Variants in MEGF6 observed in about 807,000 individuals in gnomAD.
The protein encoded by MEGF6 is multiple epidermal growth factor-like domains protein 6.
In MEGF6, 184 loss-of-function variants were observed where a neutral mutation model predicts 207.1. The ratio of observed to expected loss-of-function variants is 0.89; its 90% confidence interval spans 0.79 to 1.00. MEGF6 has a LOEUF of 1.00. Among genes scored for constraint, MEGF6 ranks in the 50% least tolerant of loss-of-function variants. MEGF6 has a pLI of 0.00. For missense variants in MEGF6, 2,282 were observed against 2,202.9 expected, an observed-to-expected ratio of 1.04 and a Z score of -0.72; for synonymous variants, 1,038 against 910.0, an observed-to-expected ratio of 1.14 and a Z score of -2.53.
At chr1:3,604,362 C>T (rs1644210177) in intron 1 of MEGF6, among the ~76,000 whole-genome samples, 1 of 152,178 alleles carries the variant, frequency 6.6e-6, no homozygotes, top group African/African-American at 2.4e-5. Flanking sequence ...GGGCAGAGCT[C>T]CTCCTGGCCA....
chr1:3,540,621 G>A (rs945964040), intron 4 of MEGF6, among the ~76,000 whole-genome samples: 3 of 152,236 alleles, frequency 2.0e-5, no homozygotes, highest in African/African-American at 7.2e-5. Flanking sequence ...ACAAACCCCT[G>A]GATGTATGTC....
Position 3,505,358 on chromosome 1 carries a change from GA to G in MEGF6, c.2054-17del, listed in dbSNP as rs763203595. 9 of 1,609,228 alleles carry G rather than the reference GA, an allele frequency of 5.6e-6. No individual in the cohort carries two copies. The African/African-American group carries it at 1.1e-4, about 19-fold the overall frequency. On this transcript the variant is annotated splice_polypyrimidine_tract_variant and intron_variant, in intron 16 of 36. Coordinates refer to ENST00000356575, the MANE Select transcript of MEGF6 (RefSeq NM_001409.4). ...AGCTCACACTCTGCAGGGCGTGAGA[GA>G]GGGGTGGGTGGGGTTAACCGACCCT...
rs1403313492 is a variant in MEGF6, at chr1:3,560,834, C to T, written c.481+18991G>A. ...AGCCAGGAACAGCCTCAGGCGTCGG[C>T]CGCGAGGGGGTTGCTGGGCTGGCTG... On this transcript the variant is annotated intron_variant, in intron 4 of 36. Coordinates refer to ENST00000356575, the MANE Select transcript of MEGF6 (RefSeq NM_001409.4). This position sits in a 1 kb window ranked among gnomAD's most constrained non-coding sequence, Gnocchi z 4.0. 2.2e-6 allele frequency: 1 copy of T among 450,272 alleles called. No homozygotes were observed. The highest frequency in any genetic ancestry group is 1.6e-5 in the South Asian group (1 of 63,006). The allele number at this position is 450,272 out of a possible 1,614,324, so 27.9% of individuals were successfully genotyped here.
chr1:3,532,369 C>T (rs576641897), intron 4 of MEGF6, among the ~76,000 whole-genome samples: 1 of 152,356 alleles, frequency 6.6e-6, no homozygotes, highest in Admixed American at 6.5e-5. Flanking sequence ...TCACTGGGCT[C>T]CCACTCCTAG....
rs142324046 is a variant in MEGF6 at position 3,606,580 on chromosome 1, G to A, written c.132-3980C>T. 3.3e-5 allele frequency among the ~76,000 whole-genome samples: 5 copies of A among 152,334 alleles called. No individual in the cohort carries two copies. The East Asian group carries it at 5.8e-4, about 18-fold the overall frequency. ...TGAGCCTGCACAGAAAAGGGCTCCC[G>A]ACAGCCCTCAGGAGGTGTGAGCTAG... On this transcript the variant is annotated intron_variant, in intron 1 of 36. Transcript: ENST00000356575.
At chr1:3,510,695 G>A in intron 10 of MEGF6, 88 bp downstream of exon 10, 1 of 1,485,350 alleles carries the variant, frequency 6.7e-7, no homozygotes, top group South Asian at 1.3e-5. Context: ...TGCCCACCAT[G>A]GGGGTACCAG....
intron 9 of MEGF6, 129 bp downstream of exon 9, chr1:3,511,421 G>C: frequency 8.2e-7 from 1 of 1,213,264 alleles, no homozygotes. Flanking sequence ...CCAGGGCCCA[G>C]GCAGCCAGAC....
At chr1:3,514,044 T>C (rs892325534) in intron 7 of MEGF6, among the ~76,000 whole-genome samples, 1 of 151,728 alleles carries the variant, frequency 6.6e-6, no homozygotes, top group South Asian at 2.1e-4. Context: ...GTCAGGAGAT[T>C]GAGAGCATCC....
chr1:3,602,870 A>G (rs12024499), intron 1 of MEGF6, among the ~76,000 whole-genome samples: 83,024 of 152,036 alleles, frequency 0.55, 23,188 homozygotes, highest in Non-Finnish European at 0.62. Context: ...AAGACCTTGC[A>G]ACACAGCCAC....
chr1:3,511,545 C>T lies in MEGF6; in HGVS notation c.1114+5G>A, dbSNP rs370170206. ...TGCAGGCATCTGGGAGGAGCCAGTG[C>T]GCACCGATGCAGGTCCTCTGATCTG... On this transcript the variant is annotated splice_donor_5th_base_variant and intron_variant, in intron 9 of 36. Transcript: ENST00000356575. The T allele has an allele frequency of 2.3e-5, 37 of 1,601,372 alleles. No individual in the cohort carries two copies. Among genetic ancestry groups the T allele is most frequent in the South Asian group, 8.8e-5 (8 of 90,458 alleles).
chr1:3,488,140 T>C lies in MEGF6; in HGVS notation c.*2388A>G, dbSNP rs1185744103. On this transcript the variant is annotated 3_prime_UTR_variant, in exon 37 of 37. Coordinates refer to ENST00000356575, the MANE Select transcript of MEGF6 (RefSeq NM_001409.4). Reference sequence around the variant, plus strand: ...TCCTCCTTCTTGCTGCTTGAAACTATATAATATATGGTCAGGAGTTTGTTT... The same window carrying C: ...TCCTCCTTCTTGCTGCTTGAAACTACATAATATATGGTCAGGAGTTTGTTT... Among the ~76,000 whole-genome samples the C allele has an allele frequency of 6.6e-6, 1 of 152,210 alleles. No homozygotes were observed. Among genetic ancestry groups the C allele is most frequent in the Non-Finnish European group, 1.5e-5 (1 of 68,040 alleles).
At position 3,565,561 on chromosome 1, in the gene MEGF6, G is replaced by A. The variant is rs952071587; in HGVS notation, c.481+14264C>T. Reference sequence around the variant, plus strand: ...AGAGGAGGACGCTTCGTGCGGGGCTGCCTGGCCTGGCCCTGGACGGTCCCC... The same window carrying A: ...AGAGGAGGACGCTTCGTGCGGGGCTACCTGGCCTGGCCCTGGACGGTCCCC... On this transcript the variant is annotated intron_variant, in intron 4 of 36. Coordinates refer to ENST00000356575, the MANE Select transcript of MEGF6 (RefSeq NM_001409.4). This position sits in a 1 kb window ranked among gnomAD's most constrained non-coding sequence, Gnocchi z 4.8. Among the ~76,000 whole-genome samples, 3 of 152,174 alleles carry A rather than the reference G, an allele frequency of 2.0e-5. No homozygotes were observed. The highest frequency in any genetic ancestry group is 4.4e-5 in the Non-Finnish European group (3 of 68,010).
Position 3,501,879 on chromosome 1 carries a change from C to G in MEGF6, c.2231G>C (p.Cys744Ser). The G allele has an allele frequency of 6.2e-7, 1 of 1,609,516 alleles. No homozygotes were observed. Among genetic ancestry groups the G allele is most frequent in the East Asian group, 2.2e-5 (1 of 44,764 alleles). ...GTGGCAGGGGGCCCCCCCACAGGAG[C>G]AGGAGCTCGAGCAGTTCACGCCAAA... ...GTFGVNCSSS[C>S]SCGGAPCHGV... is the part of the protein sequence containing the mutation. Residue 744 changes from cysteine to serine, a missense_variant, in exon 18 of 37, where the codon TGC (cysteine) becomes TCC (serine). Coordinates refer to ENST00000356575, the MANE Select transcript of MEGF6 (RefSeq NM_001409.4).
chr1:3,556,533 CTCCAG>C lies in MEGF6; in HGVS notation c.481+23287_481+23291del, dbSNP rs1643035975. Among the ~76,000 whole-genome samples, 1 of 152,208 alleles carries C rather than the reference CTCCAG, an allele frequency of 6.6e-6. No individual in the cohort carries two copies. The highest frequency in any genetic ancestry group is 6.5e-5 in the Admixed American group (1 of 15,284). On this transcript the variant is annotated intron_variant, in intron 4 of 36. Coordinates refer to ENST00000356575, the MANE Select transcript of MEGF6 (RefSeq NM_001409.4). The surrounding 1 kb of genome is among the most constrained non-coding windows in gnomAD (Gnocchi z 4.4). ...CACCAGGTTTTCTGCCTGCTTCCCA[CTCCAG>C]TGAGTCAGGAGCGGGTCACAGAGGC...
intron 4 of MEGF6, among the ~76,000 whole-genome samples, chr1:3,546,669 CCGAGGT>C (rs1642718244): frequency 1.5e-5 from 2 of 133,850 alleles, no homozygotes; most frequent in Admixed American, 7.6e-5. Context: ...GCCAGGGAGG[CCGAGGT>C]GGGGTGGCAG....
rs1640896872 is a variant in MEGF6, at chr1:3,501,993, G to T, written c.2189-72C>A. ...ACTGACCAGAGCCTTTCCCCCAGGG[G>T]CTCCTGGTGAGTGTGCCCCCTGTGC... On this transcript the variant is annotated intron_variant, in intron 17 of 36. Coordinates refer to ENST00000356575, the MANE Select transcript of MEGF6 (RefSeq NM_001409.4). 3.4e-6 allele frequency: 5 copies of T among 1,488,096 alleles called. 1 individual carries two copies. In the South Asian group the frequency reaches 3.7e-5, roughly 11 times the overall value. 92.2% of individuals were successfully genotyped at this position (1,488,096 alleles called of 1,614,324 possible). A position where few individuals can be genotyped will look rare whatever the true frequency, so the allele number is the denominator to read the frequency against.
chr1:3,579,244 A>G (rs1035313108), intron 4 of MEGF6, among the ~76,000 whole-genome samples: 2 of 152,176 alleles, frequency 1.3e-5, no homozygotes, highest in Non-Finnish European at 2.9e-5. Context: ...TTTTCCCCGC[A>G]TTGGCACGCA....
chr1:3,610,911 G>A (rs138591622), intron 1 of MEGF6, among the ~76,000 whole-genome samples: 1 of 152,172 alleles, frequency 6.6e-6, no homozygotes, highest in African/African-American at 2.4e-5. Context: ...CAAAAGAAGG[G>A]GAGAGTGGGA....
At chr1:3,530,642 G>A (rs569460130) in intron 4 of MEGF6, among the ~76,000 whole-genome samples, 3 of 152,310 alleles carry the variant, frequency 2.0e-5, no homozygotes, top group South Asian at 4.1e-4. Flanking sequence ...CAGGAAGAAC[G>A]GCACCTGCCA....
Sources: gnomAD v4.1 joint callset for allele counts (sites outside exome capture counted in the v4.1 genomes callset) on GRCh38, gnomAD v4.1.1 for gene constraint, Gnocchi (gnomAD v3.1) non-coding constraint, MANE v1.5 for transcripts, NCBI Gene and HGNC (gene_info 2026-07-23, HGNC 2026-07-21) for gene names.